DACH1: variants seen among roughly 807,000 people sequenced by gnomAD.
DACH1 encodes dachshund family transcription factor 1, also known as dachshund homolog 1.
DACH1 carries 12 observed loss-of-function variants against 54.2 expected under a neutral mutation model. The observed-to-expected ratio is 0.22, with a 90% confidence interval of 0.14 to 0.36. The LOEUF is 0.36. DACH1 is among the 10% of genes least tolerant of loss of function. The pLI is 1.00. For missense variants in DACH1, 805 were observed against 929.8 expected (o/e 0.87, Z 1.75); for synonymous variants, 386 against 366.2 (o/e 1.05, Z -0.62).
At chr13:71,655,517 C>T (rs1463846818) in intron 2 of DACH1, among the ~76,000 whole-genome samples, 2 of 151,498 alleles carry the variant, frequency 1.3e-5, no homozygotes, top group Admixed American at 1.3e-4. Context: ...ATTACAGGTG[C>T]CCGCCACCAT....
chr13:71,717,291 A>G (rs1883019375), intron 1 of DACH1, among the ~76,000 whole-genome samples: 1 of 152,210 alleles, frequency 6.6e-6, no homozygotes, highest in Non-Finnish European at 1.5e-5. Flanking sequence ...TTCAACAAGA[A>G]ATGCCTAATT....
At position 71,500,783 on chromosome 13, in the gene DACH1, C is replaced by CT. The variant is rs200929135; in HGVS notation, c.1571-11636dup. Among the ~76,000 whole-genome samples, 1,155 of 151,182 alleles carry CT rather than the reference C, an allele frequency of 7.6e-3. 14 individuals carry two copies. The highest frequency in any genetic ancestry group is 0.026 in the African/African-American group (1,055 of 41,180). On this transcript the variant is annotated intron_variant, in intron 6 of 10. Transcript: ENST00000613252. Reference sequence around the variant, plus strand: ...ATACATATATAGACTGAACTCTGGCCTTTTTTTTTCTCTCACTCAAACTTC... The same window carrying CT: ...ATACATATATAGACTGAACTCTGGCCTTTTTTTTTTCTCTCACTCAAACTTC...
chr13:71,712,800 A>C (rs1882783029), intron 1 of DACH1, among the ~76,000 whole-genome samples: 1 of 151,956 alleles, frequency 6.6e-6, no homozygotes, highest in African/African-American at 2.4e-5. Context: ...TATTTCCTTT[A>C]CCCCCCAAAA....
intron 6 of DACH1, among the ~76,000 whole-genome samples, chr13:71,546,815 T>A (rs578038411): frequency 6.6e-6 from 1 of 152,172 alleles, no homozygotes; most frequent in South Asian, 2.1e-4. Flanking sequence ...AACAATTGAA[T>A]ACTTATTTTA....
At chr13:71,783,310 C>G (rs528274246) in intron 1 of DACH1, among the ~76,000 whole-genome samples, 1 of 152,240 alleles carries the variant, frequency 6.6e-6, no homozygotes, top group South Asian at 2.1e-4. Context: ...AAGTTCCATT[C>G]TCATTCTGAA....
intron 10 of DACH1, among the ~76,000 whole-genome samples, chr13:71,471,561 C>T (rs146949716): frequency 0.015 from 2,226 of 152,046 alleles, 37 homozygotes; most frequent in Middle Eastern, 0.044. Context: ...GAGTTCGAGA[C>T]CAGCCTGGTC....
chr13:71,680,667 A>G (rs1404630890), intron 2 of DACH1, among the ~76,000 whole-genome samples: 3 of 152,224 alleles, frequency 2.0e-5, no homozygotes, highest in Non-Finnish European at 4.4e-5. Context: ...AATATTAAAT[A>G]TATAAAATGA....
chr13:71,834,569 G>A (rs1339406591), intron 1 of DACH1, among the ~76,000 whole-genome samples: 2 of 152,002 alleles, frequency 1.3e-5, no homozygotes. Context: ...AGAACTTGAA[G>A]AATTCAGCAT....
At chr13:71,610,821 C>G (rs1205692387) in intron 3 of DACH1, among the ~76,000 whole-genome samples, 1 of 152,118 alleles carries the variant, frequency 6.6e-6, no homozygotes, top group Non-Finnish European at 1.5e-5. Flanking sequence ...TTAAATCTAC[C>G]TAGACAAAGC....
chr13:71,495,765 C>T (rs1168600294), intron 6 of DACH1, among the ~76,000 whole-genome samples: 1 of 152,044 alleles, frequency 6.6e-6, no homozygotes, highest in Admixed American at 6.6e-5. Context: ...TCTCAAAGAA[C>T]TAAAAAGAAA....
chr13:71,624,800 C>T (rs920357565), intron 3 of DACH1, among the ~76,000 whole-genome samples: 1 of 151,922 alleles, frequency 6.6e-6, no homozygotes, highest in Non-Finnish European at 1.5e-5. Context: ...TCATATCCAA[C>T]TGAGAACACA....
In DACH1 at chr13:71,648,063, C is replaced by G. The variant is rs187454780; in HGVS notation, c.965-17346G>C. Among the ~76,000 whole-genome samples, 3 of 152,146 alleles carry G rather than the reference C, an allele frequency of 2.0e-5. No homozygotes were observed. The East Asian group carries it at 5.8e-4, about 29-fold the overall frequency. ...CAGGAACAGAAACATGAAATAGCACCCAATTGCTTTGAGTTTCCTTTCTTG... is the reference window on the plus strand; with the variant it reads ...CAGGAACAGAAACATGAAATAGCACGCAATTGCTTTGAGTTTCCTTTCTTG... On this transcript the variant is annotated intron_variant, in intron 2 of 10. Transcript: ENST00000613252.
chr13:71,693,468 A>AT (rs1566437389), intron 1 of DACH1, among the ~76,000 whole-genome samples: 51 of 135,010 alleles, frequency 3.8e-4, no homozygotes, highest in African/African-American at 1.6e-3. Context: ...ACGCCCGGCA[A>AT]ATTTTTTTTT....
chr13:71,583,722 T>G (rs1873015351), intron 3 of DACH1, among the ~76,000 whole-genome samples: 1 of 152,036 alleles, frequency 6.6e-6, no homozygotes, highest in African/African-American at 2.4e-5. Context: ...ACATCTGTAG[T>G]CCCAGCTACT....
At position 71,698,848 on chromosome 13, in the gene DACH1, G is replaced by C. The variant is rs141763781; in HGVS notation, c.849-16938C>G. On this transcript the variant is annotated intron_variant, in intron 1 of 10. Coordinates refer to ENST00000613252, the MANE Select transcript of DACH1 (RefSeq NM_080759.6). ...TATCTGGCAGTGAACAAGATTTTGT[G>C]TTCTATTTATTTATTTTTAAATCAG... Among the ~76,000 whole-genome samples, 167 of 152,102 alleles carry C rather than the reference G, an allele frequency of 1.1e-3. 5 individuals carry two copies. The East Asian group carries it at 0.03, about 27-fold the overall frequency.
Position 71,493,027 on chromosome 13 carries a change from G to GTT in DACH1, c.1571-3881_1571-3880dup, listed in dbSNP as rs75774425. Among the ~76,000 whole-genome samples the GTT allele has an allele frequency of 6.1e-4, 86 of 140,618 alleles. 1 individual carries two copies. Among genetic ancestry groups the GTT allele is most frequent in the Non-Finnish European group, 1.7e-4 (11 of 64,304 alleles). The allele number at this position is 140,618 out of a possible 152,430, so 92.3% of individuals were successfully genotyped here. A position where few individuals can be genotyped will look rare whatever the true frequency, so the allele number is the denominator to read the frequency against. ...CTTTTTTGTGACATGTTCTTAATGAGTTTTTTTTTTTTTTTATGGGCATGT... is the reference window on the plus strand; with the variant it reads ...CTTTTTTGTGACATGTTCTTAATGAGTTTTTTTTTTTTTTTTTATGGGCATGT... On this transcript the variant is annotated intron_variant, in intron 6 of 10. Coordinates refer to ENST00000613252, the MANE Select transcript of DACH1 (RefSeq NM_080759.6).
intron 6 of DACH1, among the ~76,000 whole-genome samples, chr13:71,536,015 T>C (rs1882766968): frequency 6.6e-6 from 1 of 152,036 alleles, no homozygotes; most frequent in African/African-American, 2.4e-5. Flanking sequence ...CTCATATTTG[T>C]TTTATTTGAT....
At chr13:71,543,817 A>T (rs528496191) in intron 6 of DACH1, among the ~76,000 whole-genome samples, 1 of 152,260 alleles carries the variant, frequency 6.6e-6, no homozygotes, top group African/African-American at 2.4e-5. Context: ...TAATAGCGAA[A>T]CTAAGAAAGG....
At chr13:71,554,576 T>C (rs1269002245) in intron 6 of DACH1, among the ~76,000 whole-genome samples, 1 of 152,154 alleles carries the variant, frequency 6.6e-6, no homozygotes, top group African/African-American at 2.4e-5. Flanking sequence ...ATTCCACCTT[T>C]GGCCTTGCTA....
Sources: allele counts gnomAD v4.1 joint callset (sites outside exome capture counted in the v4.1 genomes callset), GRCh38; gene constraint gnomAD v4.1.1; transcripts MANE v1.5; gene names NCBI Gene and HGNC (gene_info 2026-07-23, HGNC 2026-07-21).